Variants in PODXL observed in about 807,000 individuals in gnomAD.
PODXL encodes podocalyxin like.
In PODXL, 20 loss-of-function variants were observed where a neutral mutation model predicts 48.9. The observed-to-expected ratio is 0.41, with a 90% CI of 0.29 to 0.59. PODXL has a LOEUF of 0.59. PODXL is among the 20% of genes least tolerant of loss of function. The probability of loss-of-function intolerance (pLI) is 0.31; values close to 1 mark genes in which losing one functional copy is unlikely to be tolerated. For synonymous variants in PODXL, 295 were observed against 287.4 expected (o/e 1.03, Z -0.27); for missense variants, 606 against 675.1 (o/e 0.90, Z 1.13).
At chr7:131,522,801 C>A (rs1255242437) in intron 1 of PODXL, among the ~76,000 whole-genome samples, 1 of 152,196 alleles carries the variant, frequency 6.6e-6, no homozygotes, top group Non-Finnish European at 1.5e-5. Context: ...GATGTGTTTT[C>A]AAGCTTTTCT....
At chr7:131,544,654 ACTACGCACGC>A (rs1562917781) in intron 1 of PODXL, among the ~76,000 whole-genome samples, 1 of 16,678 alleles carries the variant, frequency 6.0e-5, no homozygotes, top group African/African-American at 7.3e-5. Context: ...CACGCCCTGT[ACTACGCACGC>A]ACGCCCTGTA....
chr7:131,549,780 A>T (rs116981392), intron 1 of PODXL, among the ~76,000 whole-genome samples: 51 of 152,196 alleles, frequency 3.4e-4, no homozygotes, highest in Non-Finnish European at 6.6e-4. Flanking sequence ...GGCCATGACA[A>T]TTGGTGGACG....
chr7:131,518,261 CAGG>C (rs1182395606), intron 1 of PODXL, among the ~76,000 whole-genome samples: 2 of 152,096 alleles, frequency 1.3e-5, no homozygotes, highest in Non-Finnish European at 2.9e-5. Context: ...GTGAAAATAC[CAGG>C]AGTCTTTCAA....
chr7:131,504,206 G>A lies in PODXL; in HGVS notation c.*105C>T, dbSNP rs956263672. ...GGGGGATTGGGAGGGGACACCCCTC[G>A]GAGTTCACTCTCCCTCCCCAGTCTT... is the stretch of plus-strand genomic sequence containing the variant. On this transcript the variant is annotated 3_prime_UTR_variant, in exon 9 of 9. Coordinates refer to ENST00000378555, the MANE Select transcript of PODXL (RefSeq NM_001018111.3). The A allele has an allele frequency of 2.8e-5, 25 of 885,436 alleles. No homozygotes were observed. The highest frequency in any genetic ancestry group is 1.7e-4 in the Admixed American group (8 of 46,018). 54.8% of individuals were successfully genotyped at this position (885,436 alleles called of 1,614,324 possible).
At chr7:131,510,612 C>G (rs1292092237) in intron 2 of PODXL, among the ~76,000 whole-genome samples, 1 of 152,074 alleles carries the variant, frequency 6.6e-6, no homozygotes, top group African/African-American at 2.4e-5. Flanking sequence ...GCTGGGATTA[C>G]AGGCGCCTGC....
At chr7:131,529,835 G>C (rs184325169) in intron 1 of PODXL, among the ~76,000 whole-genome samples, 2 of 152,014 alleles carry the variant, frequency 1.3e-5, no homozygotes, top group Admixed American at 6.5e-5. Flanking sequence ...GGGTGTGTAC[G>C]CACTCTCCTG....
chr7:131,514,445 C>A (rs575604063), intron 1 of PODXL, among the ~76,000 whole-genome samples: 121 of 151,836 alleles, frequency 8.0e-4, no homozygotes, highest in African/African-American at 2.7e-3. Flanking sequence ...GGGAACAGTG[C>A]AATGTGAGGG....
In PODXL at chr7:131,500,380, T is replaced by C. The variant is rs1797678819; in HGVS notation, c.*3931A>G. 6.6e-6 allele frequency: 1 copy of C among 152,646 alleles called. No homozygotes were observed. Among genetic ancestry groups the C allele is most frequent in the Non-Finnish European group, 1.5e-5 (1 of 68,040 alleles). The allele number at this position is 152,646 out of a possible 1,614,324, so 9.5% of individuals were successfully genotyped here. On this transcript the variant is annotated 3_prime_UTR_variant, in exon 9 of 9. Transcript: ENST00000378555. ...TTTTACAAACAAGTTTCTCAGTAAA[T>C]TCCAGTGTACTTCAGACCCCTGTCC...
chr7:131,512,919 C>T (rs1041212744), intron 1 of PODXL, among the ~76,000 whole-genome samples: 4 of 146,382 alleles, frequency 2.7e-5, no homozygotes, highest in Admixed American at 7.1e-5. Context: ...GGCTTGAACC[C>T]GGGAGGCAGA....
chr7:131,504,223 C>G lies in PODXL; in HGVS notation c.*88G>C. ...CACCCCTCGGAGTTCACTCTCCCTC[C>G]CCAGTCTTTCCCTTCCCCATCCAAA... On this transcript the variant is annotated 3_prime_UTR_variant, in exon 9 of 9. Coordinates refer to ENST00000378555, the MANE Select transcript of PODXL (RefSeq NM_001018111.3). 3 of 1,103,082 alleles carry G rather than the reference C, an allele frequency of 2.7e-6. No homozygotes were observed. Among genetic ancestry groups the G allele is most frequent in the Non-Finnish European group, 4.0e-6 (3 of 744,000 alleles). 68.3% of individuals were successfully genotyped at this position (1,103,082 alleles called of 1,614,324 possible). A position where few individuals can be genotyped will look rare whatever the true frequency, so the allele number is the denominator to read the frequency against.
In PODXL at chr7:131,501,426, C is replaced by G. The variant is rs1264405492; in HGVS notation, c.*2885G>C. 6.6e-6 allele frequency: 1 copy of G among 152,592 alleles called. No individual in the cohort carries two copies. Among genetic ancestry groups the G allele is most frequent in the Non-Finnish European group, 1.5e-5 (1 of 68,022 alleles). 9.5% of individuals were successfully genotyped at this position (152,592 alleles called of 1,614,324 possible). On this transcript the variant is annotated 3_prime_UTR_variant, in exon 9 of 9. Coordinates refer to ENST00000378555, the MANE Select transcript of PODXL (RefSeq NM_001018111.3). ...GTATATTGTCAAAAAAGATAAAGCT[C>G]AAGAAGTGGTTTAAATAAACTTTCT...
intron 1 of PODXL, among the ~76,000 whole-genome samples, chr7:131,515,622 C>T (rs777207890): frequency 3.3e-5 from 5 of 152,108 alleles, no homozygotes; most frequent in Non-Finnish European, 5.9e-5. Context: ...AGGCTGGTCT[C>T]GAACTACTGA....
intron 1 of PODXL, among the ~76,000 whole-genome samples, chr7:131,513,136 T>C (rs1333647186): frequency 6.6e-6 from 1 of 152,210 alleles, no homozygotes; most frequent in East Asian, 1.9e-4. Flanking sequence ...ACAGAAGTTT[T>C]ATAGGATGAC....
At chr7:131,508,679 A>G (rs1001265653) in intron 5 of PODXL, among the ~76,000 whole-genome samples, 4 of 115,194 alleles carry the variant, frequency 3.5e-5, no homozygotes, top group African/African-American at 1.4e-4. Flanking sequence ...TACTGGAAAT[A>G]GTCACACAGT....
intron 5 of PODXL, 163 bp from the exon 6 acceptor site, chr7:131,506,889 A>G: frequency 1.4e-6 from 1 of 692,038 alleles, no homozygotes. Flanking sequence ...CCAGGAATCA[A>G]GGGTTGCATG....
Position 131,510,335 on chromosome 7 carries a change from GAAAAA to G in PODXL, c.707-9_707-5del, listed in dbSNP as rs56367324. On this transcript the variant is annotated splice_region_variant and splice_polypyrimidine_tract_variant and intron_variant, in intron 2 of 8. Coordinates refer to ENST00000378555, the MANE Select transcript of PODXL (RefSeq NM_001018111.3). ...ACATGGTGAAACACTGTCTCTACTTGAAAAAAAAAAAAAAAAAAAAAAAAAAATTA... is the reference window on the plus strand; with the variant it reads ...ACATGGTGAAACACTGTCTCTACTTGAAAAAAAAAAAAAAAAAAAAAATTA... 6,564 of 79,810 alleles carry G rather than the reference GAAAAA, an allele frequency of 0.082. 21 individuals are homozygous for G. The highest frequency in any genetic ancestry group is 0.15 in the South Asian group (1,365 of 8,836). The allele number at this position is 79,810 out of a possible 1,614,324, so 4.9% of individuals were successfully genotyped here.
Position 131,550,967 on chromosome 7 carries a change from A to G in PODXL, c.100+5293T>C, listed in dbSNP as rs942712463. 3.3e-5 allele frequency among the ~76,000 whole-genome samples: 5 copies of G among 152,210 alleles called. No homozygotes were observed. The South Asian group carries it at 6.2e-4, about 19-fold the overall frequency. ...CCCCAGCTCTAGAATTCTGTGTCCT[A>G]TGATTTTCTGGCTCATTTAGAAGTG... On this transcript the variant is annotated intron_variant, in intron 1 of 8. Transcript: ENST00000378555.
intron 8 of PODXL, 48 bp from the exon 9 acceptor site, chr7:131,504,556 G>T: frequency 6.6e-7 from 1 of 1,521,744 alleles, no homozygotes; most frequent in Non-Finnish European, 9.1e-7. Flanking sequence ...AGAGGGCTCT[G>T]AGCTTAATAC....
At chr7:131,543,524 G>A (rs1798516778) in intron 1 of PODXL, among the ~76,000 whole-genome samples, 1 of 152,112 alleles carries the variant, frequency 6.6e-6, no homozygotes, top group Admixed American at 6.5e-5. Flanking sequence ...GATGTCATGT[G>A]ATCTCAGCCC....
Sources: allele counts gnomAD v4.1 joint callset (sites outside exome capture counted in the v4.1 genomes callset), GRCh38; gene constraint gnomAD v4.1.1; transcripts MANE v1.5; gene names NCBI Gene and HGNC (gene_info 2026-07-23, HGNC 2026-07-21).